Variants in FHIT observed in about 807,000 individuals in gnomAD.
FHIT encodes fragile histidine triad diadenosine triphosphatase, also known as bis(5'-adenosyl)-triphosphatase.
In FHIT, 19 loss-of-function variants were observed where a neutral mutation model predicts 17.9. The ratio of observed to expected loss-of-function variants is 1.06; its 90% CI spans 0.74 to 1.56. FHIT has a LOEUF of 1.56. Among genes scored for constraint, FHIT ranks in the 40% most tolerant of loss-of-function variants. FHIT has a pLI of 0.00. For missense variants in FHIT, 248 were observed against 189.2 expected, an observed-to-expected ratio of 1.31 and a Z score of -1.82; for synonymous variants, 81 against 69.7, an observed-to-expected ratio of 1.16 and a Z score of -0.81.
intron 5 of FHIT, among the ~76,000 whole-genome samples, chr3:60,130,729 A>G (rs1356862353): frequency 7.2e-6 from 1 of 138,436 alleles, no homozygotes; most frequent in African/African-American, 2.6e-5. Flanking sequence ...TTCAAAATAC[A>G]GTCTTACTGA....
chr3:60,100,541 G>A (rs951400396), intron 5 of FHIT, among the ~76,000 whole-genome samples: 2 of 152,122 alleles, frequency 1.3e-5, no homozygotes, highest in Non-Finnish European at 2.9e-5. Flanking sequence ...TGCAGGCATA[G>A]GCAGAGGAGC....
intron 5 of FHIT, among the ~76,000 whole-genome samples, chr3:60,135,288 G>C (rs1699769586): frequency 6.6e-6 from 1 of 152,036 alleles, no homozygotes; most frequent in Non-Finnish European, 1.5e-5. Flanking sequence ...TGCCTTCAGG[G>C]ACCAGGCAAA....
chr3:59,838,600 T>C (rs758192629), intron 8 of FHIT, among the ~76,000 whole-genome samples: 1 of 152,178 alleles, frequency 6.6e-6, no homozygotes, highest in African/African-American at 2.4e-5. Context: ...GTGGCAGGTT[T>C]AGAGGGCTTA....
chr3:61,010,667 C>A (rs1207519478), intron 3 of FHIT, among the ~76,000 whole-genome samples: 1 of 152,178 alleles, frequency 6.6e-6, no homozygotes, highest in African/African-American at 2.4e-5. Flanking sequence ...TTCTTTCAGT[C>A]CTGTCAGCAT....
chr3:60,697,316 G>T (rs971135038), intron 4 of FHIT, among the ~76,000 whole-genome samples: 70 of 152,260 alleles, frequency 4.6e-4, no homozygotes, highest in African/African-American at 1.3e-3. Context: ...TCAGAGGACT[G>T]CTGGGGATGC....
intron 5 of FHIT, among the ~76,000 whole-genome samples, chr3:60,404,934 G>T (rs1032366638): frequency 6.6e-6 from 1 of 152,138 alleles, no homozygotes; most frequent in Non-Finnish European, 1.5e-5. Context: ...TTAAAAGAAG[G>T]ATGTCCAGGT....
At chr3:60,968,629 T>G (rs1575771813) in intron 3 of FHIT, among the ~76,000 whole-genome samples, 1 of 152,146 alleles carries the variant, frequency 6.6e-6, no homozygotes, top group Non-Finnish European at 1.5e-5. Context: ...GCCAGGCTGG[T>G]CTCGAACTCC....
intron 5 of FHIT, among the ~76,000 whole-genome samples, chr3:60,508,081 G>A (rs2107537205): frequency 6.6e-6 from 1 of 152,244 alleles, no homozygotes; most frequent in Non-Finnish European, 1.5e-5. Context: ...AGCTCTGACT[G>A]CTAGCTACAT....
intron 5 of FHIT, among the ~76,000 whole-genome samples, chr3:60,040,566 C>G: frequency 6.6e-6 from 1 of 152,322 alleles, no homozygotes; most frequent in South Asian, 2.1e-4. Context: ...CTTACCTTTT[C>G]TCTATTCCCT....
Position 60,384,212 on chromosome 3 carries a change from G to A in FHIT, c.103+152648C>T, listed in dbSNP as rs144653785. Among the ~76,000 whole-genome samples, 1,467 of 150,754 alleles carry A rather than the reference G, an allele frequency of 9.7e-3. 25 individuals are homozygous for A. Among genetic ancestry groups the A allele is most frequent in the African/African-American group, 0.034 (1,379 of 40,982 alleles). On this transcript the variant is annotated intron_variant, in intron 5 of 9. Transcript: ENST00000492590. ...GAACCCGGGAGGCAAAGGTTGTGGT[G>A]AGCTGAGATCACACCACTGCACTCC...
intron 4 of FHIT, among the ~76,000 whole-genome samples, chr3:60,598,396 T>C (rs782000888): frequency 1.2e-4 from 19 of 152,162 alleles, no homozygotes; most frequent in Non-Finnish European, 2.1e-4. Context: ...ACAAGGAGTA[T>C]TAATTTTCCT....
intron 4 of FHIT, among the ~76,000 whole-genome samples, chr3:60,601,388 CCT>C (rs1233577029): frequency 1.3e-5 from 2 of 152,132 alleles, no homozygotes; most frequent in African/African-American, 4.8e-5. Context: ...ACAGATTCCC[CCT>C]GTTAAATGAT....
chr3:60,966,330 C>T (rs782774565), intron 3 of FHIT, among the ~76,000 whole-genome samples: 24 of 152,172 alleles, frequency 1.6e-4, no homozygotes, highest in Admixed American at 2.6e-4. Flanking sequence ...TTCCAGGTAC[C>T]GTCTCTCACG....
At chr3:59,885,898 G>A (rs1253389384) in intron 8 of FHIT, among the ~76,000 whole-genome samples, 1 of 152,176 alleles carries the variant, frequency 6.6e-6, no homozygotes, top group Non-Finnish European at 1.5e-5. Flanking sequence ...CCTCAACCAA[G>A]AGCACATTTG....
chr3:60,564,149 A>G (rs1295412719), intron 4 of FHIT, among the ~76,000 whole-genome samples: 1 of 152,150 alleles, frequency 6.6e-6, no homozygotes, highest in African/African-American at 2.4e-5. Context: ...GAATGATACT[A>G]CATCAACTCT....
At chr3:60,212,927 T>A (rs1703525654) in intron 5 of FHIT, among the ~76,000 whole-genome samples, 1 of 152,156 alleles carries the variant, frequency 6.6e-6, no homozygotes, top group Non-Finnish European at 1.5e-5. Context: ...ATCTCAGGGA[T>A]TTTGCTAACT....
intron 3 of FHIT, among the ~76,000 whole-genome samples, chr3:60,833,467 T>TC: frequency 6.6e-6 from 1 of 152,318 alleles, no homozygotes; most frequent in African/African-American, 2.4e-5. Flanking sequence ...ACCGTTTCTC[T>TC]CCCCTTTTAA....
At chr3:61,154,867 G>C (rs140225343) in intron 2 of FHIT, among the ~76,000 whole-genome samples, 1 of 152,284 alleles carries the variant, frequency 6.6e-6, no homozygotes, top group African/African-American at 2.4e-5. Context: ...TTCAAATAAA[G>C]CCCTCAGATG....
At chr3:59,897,101 G>A (rs1464572352) in intron 8 of FHIT, among the ~76,000 whole-genome samples, 6 of 152,076 alleles carry the variant, frequency 3.9e-5, no homozygotes, top group African/African-American at 1.4e-4. Flanking sequence ...AAACTTGCAG[G>A]GTTCTAAAGT....
Sources: allele counts gnomAD v4.1 joint callset (sites outside exome capture counted in the v4.1 genomes callset), GRCh38; gene constraint gnomAD v4.1.1; transcripts MANE v1.5; gene names NCBI Gene and HGNC (gene_info 2026-07-23, HGNC 2026-07-21).